The following COX15 variants were observed in gnomAD, a reference collection of about 807,000 sequenced individuals.
COX15 encodes heme A synthase COX15.
In COX15, 51 loss-of-function variants were observed where a neutral mutation model predicts 51.9. The ratio of observed to expected loss-of-function variants is 0.98; its 90% CI spans 0.78 to 1.24. The LOEUF is 1.24. COX15 is among the 50% of genes most tolerant of loss of function. The pLI, the probability that COX15 is intolerant of heterozygous loss-of-function variation, is 0.00. For missense variants in COX15, 420 were observed against 501.1 expected (o/e 0.84, Z 1.55); for synonymous variants, 188 against 190.5 (o/e 0.99, Z 0.11).
At chr10:99,728,218 G>C (rs192626838) in intron 2 of COX15, among the ~76,000 whole-genome samples, 7 of 152,276 alleles carry the variant, frequency 4.6e-5, no homozygotes, top group African/African-American at 1.4e-4. Flanking sequence ...AAGGTAATTA[G>C]GGCCCTGCCA....
the COX15 span, chr10:99,704,823 C>T: frequency 1.3e-5 from 10 of 769,246 alleles, no homozygotes; most frequent in African/African-American, 1.8e-5. Flanking sequence ...TACTTTCTAC[C>T]GTAATTCCTT....
chr10:99,698,976 G>A, the COX15 span: 18 of 951,844 alleles, frequency 1.9e-5, no homozygotes, highest in Non-Finnish European at 2.6e-5. Context: ...GTTCTTTGCA[G>A]GAGCCCTTTG....
the COX15 span, chr10:99,698,026 C>T: frequency 6.3e-6 from 1 of 158,392 alleles, no homozygotes; most frequent in Non-Finnish European, 1.4e-5. Flanking sequence ...GGAGCTGGTG[C>T]TGTGCCTGTT....
chr10:99,702,603 C>T, the COX15 span: 3 of 1,613,832 alleles, frequency 1.9e-6, no homozygotes, highest in South Asian at 2.2e-5. Context: ...GACAGCCCAG[C>T]TGGTGTATGA....
the COX15 span, chr10:99,698,425 T>C: frequency 9.4e-7 from 1 of 1,066,834 alleles, no homozygotes; most frequent in Non-Finnish European, 1.3e-6. Flanking sequence ...TCTAGAGATA[T>C]CATGAAAACC....
At position 99,712,545 on chromosome 10, in the gene COX15, C is replaced by A. The variant is rs533958414; in HGVS notation, c.*2042G>T. 55 of 985,132 alleles carry A rather than the reference C, an allele frequency of 5.6e-5. No homozygotes were observed. The South Asian group carries it at 2.3e-3, about 42-fold the overall frequency. 61.0% of individuals were successfully genotyped at this position (985,132 alleles called of 1,614,324 possible). On this transcript the variant is annotated 3_prime_UTR_variant, in exon 9 of 9. Transcript: ENST00000016171. ...AGGTCAAGGATGAAATCCAGATGTT[C>A]TTCCTTTGTATTTGTATTGTCACTG...
At chr10:99,696,881 G>A in the COX15 span, among the ~76,000 whole-genome samples, 2 of 152,208 alleles carry the variant, frequency 1.3e-5, no homozygotes, top group Non-Finnish European at 1.5e-5. Context: ...GTAGGGCAGG[G>A]AGGATGGCCA....
chr10:99,712,997 T>G lies in COX15; in HGVS notation c.*1590A>C, dbSNP rs181768654. ...TCACCTATTCCCTGTGTGACAGGGG[T>G]TCTGGACTCATCATTCTGATCTCTT... is the stretch of plus-strand genomic sequence containing the variant. On this transcript the variant is annotated 3_prime_UTR_variant, in exon 9 of 9. Coordinates refer to ENST00000016171, the MANE Select transcript of COX15 (RefSeq NM_078470.6). The G allele has an allele frequency of 1.4e-3, 1,518 of 1,108,274 alleles. 18 individuals carry two copies. The African/African-American group carries it at 0.021, about 16-fold the overall frequency. The allele number at this position is 1,108,274 out of a possible 1,614,324, so 68.7% of individuals were successfully genotyped here.
Position 99,712,730 on chromosome 10 carries a change from T to A in COX15, c.*1857A>T. 3 of 506,254 alleles carry A rather than the reference T, an allele frequency of 5.9e-6. No homozygotes were observed. Among genetic ancestry groups the A allele is most frequent in the Non-Finnish European group, 7.6e-6 (3 of 392,162 alleles). 31.4% of individuals were successfully genotyped at this position (506,254 alleles called of 1,614,324 possible). ...GCAGTATAGTCCGAGCTGGGGCACCTGCTCGCCAGTGTTACTGTCTCCATC... is the reference window on the plus strand; with the variant it reads ...GCAGTATAGTCCGAGCTGGGGCACCAGCTCGCCAGTGTTACTGTCTCCATC... On this transcript the variant is annotated 3_prime_UTR_variant, in exon 9 of 9. Coordinates refer to ENST00000016171, the MANE Select transcript of COX15 (RefSeq NM_078470.6).
chr10:99,720,946 G>T, intron 6 of COX15, 41 bp downstream of exon 6: 1 of 1,517,796 alleles, frequency 6.6e-7, no homozygotes, highest in Non-Finnish European at 9.1e-7. Flanking sequence ...CCAGCTTAGA[G>T]TGCAATGCAA....
chr10:99,708,876 A>G, downstream of COX15: 1 of 985,420 alleles, frequency 1.0e-6, no homozygotes, highest in South Asian at 4.7e-5. Context: ...ATCTTTCTGC[A>G]AGTATAAACA....
At chr10:99,696,160 T>C in the COX15 span, 1 of 1,605,350 alleles carries the variant, frequency 6.2e-7, no homozygotes, top group Non-Finnish European at 8.5e-7. Context: ...TGAAATATAA[T>C]GTCAGGCTGC....
At chr10:99,730,059 C>T (rs1159156820) in intron 1 of COX15, among the ~76,000 whole-genome samples, 1 of 152,168 alleles carries the variant, frequency 6.6e-6, no homozygotes, top group Non-Finnish European at 1.5e-5. Flanking sequence ...TTGTACACTT[C>T]CTTTCCCCTG....
chr10:99,722,383 T>C (rs1457031876), intron 5 of COX15, among the ~76,000 whole-genome samples: 1 of 152,028 alleles, frequency 6.6e-6, no homozygotes, highest in East Asian at 1.9e-4. Context: ...TGGGTAAATG[T>C]GTGAGTGTGT....
intron 3 of COX15, 44 bp downstream of exon 3, chr10:99,727,397 A>T (rs558611210): frequency 6.2e-7 from 1 of 1,608,064 alleles, no homozygotes; most frequent in South Asian, 1.1e-5. Flanking sequence ...CAAAAGATCA[A>T]ATGGGCCTAC....
downstream of COX15, chr10:99,709,964 A>C (rs1250619200): frequency 1.0e-6 from 1 of 985,332 alleles, no homozygotes; most frequent in Non-Finnish European, 1.2e-6. Flanking sequence ...TTTCACTTTT[A>C]AAATGTAATC....
chr10:99,712,599 AT>A lies in COX15; in HGVS notation c.*1987del. 2 of 984,488 alleles carry A rather than the reference AT, an allele frequency of 2.0e-6. No homozygotes were observed. Among genetic ancestry groups the A allele is most frequent in the Non-Finnish European group, 2.4e-6 (2 of 829,060 alleles). The allele number at this position is 984,488 out of a possible 1,614,324, so 61.0% of individuals were successfully genotyped here. ...GGAATCTAGGTATATCCAAGGAAAA[AT>A]AAACTTAAGATAAGCTTATTTTCCT... On this transcript the variant is annotated 3_prime_UTR_variant, in exon 9 of 9. Coordinates refer to ENST00000016171, the MANE Select transcript of COX15 (RefSeq NM_078470.6).
intron 5 of COX15, among the ~76,000 whole-genome samples, chr10:99,721,492 A>C (rs996312558): frequency 3.3e-5 from 5 of 152,252 alleles, no homozygotes; most frequent in Admixed American, 2.6e-4. Flanking sequence ...TATAGTCAGA[A>C]TCAAAATTGC....
chr10:99,728,332 G>C (rs184479443), intron 2 of COX15, among the ~76,000 whole-genome samples: 3 of 152,308 alleles, frequency 2.0e-5, no homozygotes, highest in African/African-American at 4.8e-5. Context: ...ACATTATCGA[G>C]TGTGTTTGAA....
Sources: gnomAD v4.1 joint callset for allele counts (sites outside exome capture counted in the v4.1 genomes callset) on GRCh38, gnomAD v4.1.1 for gene constraint, MANE v1.5 for transcripts, NCBI Gene and HGNC (gene_info 2026-07-23, HGNC 2026-07-21) for gene names.